SPAG17: variants seen among roughly 807,000 people sequenced by gnomAD.
SPAG17 encodes the protein sperm associated antigen 17.
In SPAG17, 169 loss-of-function variants were observed where a neutral mutation model predicts 273.6. That is an observed-to-expected ratio of 0.62 (90% CI 0.55 to 0.70). The LOEUF is 0.70. Among genes scored for constraint, SPAG17 ranks in the 30% least tolerant of loss-of-function variants. The pLI, the probability that SPAG17 is intolerant of heterozygous loss-of-function variation, is 0.00. For missense variants in SPAG17, 2,557 were observed against 2,627.8 expected, an observed-to-expected ratio of 0.97 and a Z score of 0.59; for synonymous variants, 825 against 873.2, an observed-to-expected ratio of 0.94 and a Z score of 0.97.
chr1:118,102,108 C>T (rs1656108199), intron 4 of SPAG17, among the ~76,000 whole-genome samples, 182 bp from the exon 5 acceptor site: 1 of 152,152 alleles, frequency 6.6e-6, no homozygotes, highest in Admixed American at 6.5e-5. Context: ...TGACAAGGCA[C>T]ATTTATGCAT....
chr1:118,009,197 CTTGTA>C (rs1328247589), intron 30 of SPAG17, among the ~76,000 whole-genome samples: 3 of 150,448 alleles, frequency 2.0e-5, no homozygotes, highest in Non-Finnish European at 3.0e-5. Flanking sequence ...TAGTCAATAA[CTTGTA>C]TTGTATAATG....
intron 42 of SPAG17, among the ~76,000 whole-genome samples, chr1:117,982,615 G>C (rs1054938973): frequency 1.3e-5 from 2 of 152,134 alleles, no homozygotes; most frequent in African/African-American, 4.8e-5. Context: ...AAATTCTTCA[G>C]CATGCAGTTC....
intron 3 of SPAG17, among the ~76,000 whole-genome samples, chr1:118,120,825 GAAAATAGAAAATAT>G (rs1657379346): frequency 6.6e-6 from 1 of 152,300 alleles, no homozygotes; most frequent in East Asian, 1.9e-4. Context: ...TTCCTGCCAT[GAAAATAGAAAATAT>G]TTAACTTGGT....
rs745851754 is a variant in SPAG17, at chr1:118,066,922, T to G, written c.2386-23A>C. ...GACCTGAAAATCAAAATAATTGCAT[T>G]GTAGAATCTTTTTTATTTTCCCCAA... On this transcript the variant is annotated intron_variant, in intron 17 of 48. Coordinates refer to ENST00000336338, the MANE Select transcript of SPAG17 (RefSeq NM_206996.4). The G allele has an allele frequency of 3.2e-6, 5 of 1,584,648 alleles. No individual in the cohort carries two copies. In the South Asian group the frequency reaches 5.9e-5, roughly 19 times the overall value.
At chr1:118,093,552 C>T (rs996678954) in intron 7 of SPAG17, among the ~76,000 whole-genome samples, 2 of 152,120 alleles carry the variant, frequency 1.3e-5, no homozygotes, top group African/African-American at 4.8e-5. Context: ...CGTATGGCTG[C>T]CTAATGTTTT....
At chr1:117,986,885 T>C (rs879405435) in intron 40 of SPAG17, among the ~76,000 whole-genome samples, 1 of 152,106 alleles carries the variant, frequency 6.6e-6, no homozygotes. Context: ...CTAGAAAGGA[T>C]TTTCTGACCT....
chr1:117,997,922 T>C (rs1219365497), intron 32 of SPAG17, among the ~76,000 whole-genome samples: 1 of 152,200 alleles, frequency 6.6e-6, no homozygotes, highest in Non-Finnish European at 1.5e-5. Context: ...TGCCAATTCC[T>C]GACCTAGAGG....
chr1:118,097,874 A>G (rs566846831), intron 6 of SPAG17, 23 bp from the exon 7 acceptor site: 1 of 1,509,428 alleles, frequency 6.6e-7, no homozygotes, highest in South Asian at 1.3e-5. Flanking sequence ...ACATGTTTAT[A>G]TTACCAAATG....
Position 118,148,371 on chromosome 1 carries a change from T to G in SPAG17, c.315+2172A>C, listed in dbSNP as rs373005106. On this transcript the variant is annotated intron_variant, in intron 3 of 48. Coordinates refer to ENST00000336338, the MANE Select transcript of SPAG17 (RefSeq NM_206996.4). ...TCACAAAGAGCGAAAAAACAAATCC[T>G]CCACACTCGGCAAGGGTACACGAAC... Among the ~76,000 whole-genome samples the G allele has an allele frequency of 3.9e-5, 6 of 152,228 alleles. No individual in the cohort carries two copies. The East Asian group carries it at 9.7e-4, about 25-fold the overall frequency.
chr1:117,979,686 ACT>A (rs1403455009), intron 43 of SPAG17, among the ~76,000 whole-genome samples: 1 of 151,784 alleles, frequency 6.6e-6, no homozygotes, highest in Non-Finnish European at 1.5e-5. Flanking sequence ...TCTCTGCCCC[ACT>A]CTCTGACCTC....
At chr1:117,996,828 G>T in intron 32 of SPAG17, 85 bp from the exon 33 acceptor site, 1 of 1,372,224 alleles carries the variant, frequency 7.3e-7, no homozygotes, top group Non-Finnish European at 9.8e-7. Context: ...GAAAACAGAT[G>T]ATTTGGTGGG....
intron 21 of SPAG17, 116 bp downstream of exon 21, chr1:118,041,687 G>A: frequency 7.3e-7 from 1 of 1,366,406 alleles, no homozygotes; most frequent in Non-Finnish European, 1.0e-6. Context: ...AATACCAGAA[G>A]AAACCCTAGG....
Position 118,185,176 on chromosome 1 carries a change from A to T in SPAG17, c.-19T>A. ...GTGCCATGCAAAGGACGGGAGAAGC[A>T]TTGGCCTCTAAACTGGGCGCAGGCC... On this transcript the variant is annotated 5_prime_UTR_variant, in exon 1 of 49. It removes an upstream start codon present in the reference 5' UTR. Transcript: ENST00000336338. 6.2e-7 allele frequency: 1 copy of T among 1,600,846 alleles called. No homozygotes were observed. Among genetic ancestry groups the T allele is most frequent in the Non-Finnish European group, 8.6e-7 (1 of 1,167,904 alleles).
chr1:118,085,533 C>CGTGCATACGCGTGCGT (rs1558001247), intron 13 of SPAG17, among the ~76,000 whole-genome samples: 2 of 137,126 alleles, frequency 1.5e-5, no homozygotes, highest in South Asian at 2.7e-4. Flanking sequence ...TACGCGTGCG[C>CGTGCATACGCGTGCGT]GCGCGCACAC....
rs12044419 is a variant in SPAG17 at position 118,150,747 on chromosome 1, G to A, written c.229-118C>T. The A allele has an allele frequency of 4.1e-3, 2,313 of 570,198 alleles. 64 individuals carry two copies. The East Asian group carries it at 0.064, about 16-fold the overall frequency. 35.3% of individuals were successfully genotyped at this position (570,198 alleles called of 1,614,324 possible). On this transcript the variant is annotated intron_variant, in intron 2 of 48. Transcript: ENST00000336338. ...GGGTTGGGGAACCTAGCAAGAAAGAGGTACCCATGAATTAGGTAAAATATT... is the reference window on the plus strand; with the variant it reads ...GGGTTGGGGAACCTAGCAAGAAAGAAGTACCCATGAATTAGGTAAAATATT...
At chr1:118,140,492 A>G (rs1490534953) in intron 3 of SPAG17, among the ~76,000 whole-genome samples, 1 of 152,228 alleles carries the variant, frequency 6.6e-6, no homozygotes, top group Non-Finnish European at 1.5e-5. Context: ...AATTTACAAT[A>G]AAAAGGAATG....
At chr1:118,094,391 G>T (rs1381631114) in intron 7 of SPAG17, among the ~76,000 whole-genome samples, 1 of 152,174 alleles carries the variant, frequency 6.6e-6, no homozygotes, top group Non-Finnish European at 1.5e-5. Flanking sequence ...TTGAAATGTT[G>T]CCAATGTCTT....
At chr1:118,167,191 G>A (rs765084054) in intron 1 of SPAG17, among the ~76,000 whole-genome samples, 8 of 152,088 alleles carry the variant, frequency 5.3e-5, no homozygotes, top group Non-Finnish European at 8.8e-5. Context: ...CTAGAAACAT[G>A]AGCTTTAACA....
intron 18 of SPAG17, among the ~76,000 whole-genome samples, chr1:118,063,632 C>A (rs1395979175): frequency 3.3e-5 from 5 of 152,126 alleles, no homozygotes; most frequent in African/African-American, 7.2e-5. Context: ...CATAAAAACC[C>A]TAGAAGAAAA....
Sources: gnomAD v4.1 joint callset for allele counts (sites outside exome capture counted in the v4.1 genomes callset) on GRCh38, gnomAD v4.1.1 for gene constraint, MANE v1.5 for transcripts, NCBI Gene and HGNC (gene_info 2026-07-23, HGNC 2026-07-21) for gene names.